Variants in SNTG1 observed in about 807,000 individuals in gnomAD.
SNTG1 encodes the protein syntrophin gamma 1.
Under a neutral mutation model 74.7 loss-of-function variants are expected in SNTG1, and 39 were observed. The ratio of observed to expected loss-of-function variants is 0.52; its 90% confidence interval spans 0.40 to 0.68. The LOEUF (loss-of-function observed/expected upper bound fraction) is 0.68, where lower values mean the gene tolerates loss of function less well. Among genes scored for constraint, SNTG1 ranks in the 30% least tolerant of loss-of-function variants. SNTG1 has a pLI of 0.00. For missense variants in SNTG1, 685 were observed against 609.5 expected (o/e 1.12, Z -1.30); for synonymous variants, 254 against 217.1 (o/e 1.17, Z -1.49).
At chr8:50,109,808 A>AGAGTG (rs1318496642) in intron 1 of SNTG1, among the ~76,000 whole-genome samples, 1 of 152,210 alleles carries the variant, frequency 6.6e-6, no homozygotes, top group East Asian at 1.9e-4. Flanking sequence ...AAGGTGAGGC[A>AGAGTG]GAGTGGGCTA....
At chr8:50,029,286 G>A (rs956701575) in intron 1 of SNTG1, among the ~76,000 whole-genome samples, 1 of 151,816 alleles carries the variant, frequency 6.6e-6, no homozygotes, top group Admixed American at 6.6e-5. Flanking sequence ...AATCTCAATG[G>A]GTAATAATCA....
intron 2 of SNTG1, among the ~76,000 whole-genome samples, chr8:50,305,903 T>A (rs370714068): frequency 5.4e-4 from 81 of 148,722 alleles, no homozygotes; most frequent in Non-Finnish European, 8.8e-4. Flanking sequence ...TATATTTATT[T>A]AAAAAAAAAA....
chr8:50,766,125 A>G (rs2095612941), intron 18 of SNTG1, among the ~76,000 whole-genome samples: 2 of 152,026 alleles, frequency 1.3e-5, no homozygotes, highest in South Asian at 4.1e-4. Flanking sequence ...CACTGTCTGC[A>G]TAACAAGAAG....
At chr8:50,588,119 C>CAA (rs201985462) in intron 12 of SNTG1, among the ~76,000 whole-genome samples, 3,309 of 117,122 alleles carry the variant, frequency 0.028, 56 homozygotes, top group Middle Eastern at 0.044. Context: ...GACTCCGACT[C>CAA]AAAAAAAAAA....
intron 2 of SNTG1, among the ~76,000 whole-genome samples, chr8:50,232,404 A>G (rs990396578): frequency 2.6e-5 from 4 of 151,546 alleles, no homozygotes; most frequent in African/African-American, 7.2e-5. Context: ...ATACTCTCAG[A>G]AAATTAATAG....
At chr8:50,699,206 A>G (rs2095415264) in intron 15 of SNTG1, among the ~76,000 whole-genome samples, 1 of 106,074 alleles carries the variant, frequency 9.4e-6, no homozygotes, top group South Asian at 2.7e-4. Context: ...GCAAGCAGGA[A>G]GAGGAAGAAA....
At chr8:50,789,601 C>CA (rs1315690500) in intron 18 of SNTG1, among the ~76,000 whole-genome samples, 1 of 151,946 alleles carries the variant, frequency 6.6e-6, no homozygotes, top group Non-Finnish European at 1.5e-5. Flanking sequence ...TCTTTACTTC[C>CA]AAACCTGCTT....
chr8:50,480,544 T>G (rs1027182970), intron 8 of SNTG1, among the ~76,000 whole-genome samples: 2 of 152,170 alleles, frequency 1.3e-5, no homozygotes, highest in African/African-American at 4.8e-5. Flanking sequence ...AGGAAGTAAA[T>G]GGAAACAAAT....
intron 1 of SNTG1, among the ~76,000 whole-genome samples, chr8:49,968,711 G>A (rs1338549441): frequency 6.6e-6 from 1 of 152,110 alleles, no homozygotes; most frequent in East Asian, 1.9e-4. Flanking sequence ...ATAGCTGGAA[G>A]AATAATGAAG....
At chr8:50,772,668 G>C (rs2095630063) in intron 18 of SNTG1, among the ~76,000 whole-genome samples, 1 of 152,026 alleles carries the variant, frequency 6.6e-6, no homozygotes, top group Non-Finnish European at 1.5e-5. Flanking sequence ...GCTTCACTTT[G>C]AATATGGTTT....
chr8:50,310,599 A>T (rs1001825787), intron 2 of SNTG1, among the ~76,000 whole-genome samples: 2 of 152,164 alleles, frequency 1.3e-5, no homozygotes, highest in African/African-American at 4.8e-5. Context: ...GAGGCAGGAG[A>T]ATCGCTTGAA....
At chr8:50,477,002 G>A (rs1422767793) in intron 8 of SNTG1, among the ~76,000 whole-genome samples, 2 of 152,046 alleles carry the variant, frequency 1.3e-5, no homozygotes, top group Non-Finnish European at 2.9e-5. Context: ...AATAAATCAG[G>A]TAATATTGGA....
intron 1 of SNTG1, among the ~76,000 whole-genome samples, chr8:50,144,892 C>CA (rs1315195084): frequency 1.1e-4 from 16 of 152,122 alleles, no homozygotes; most frequent in African/African-American, 3.9e-4. Context: ...CTTCTAGTAG[C>CA]ATTGTCAGGT....
At chr8:50,202,193 C>T (rs1473555132) in intron 2 of SNTG1, among the ~76,000 whole-genome samples, 1 of 152,118 alleles carries the variant, frequency 6.6e-6, no homozygotes, top group Non-Finnish European at 1.5e-5. Flanking sequence ...ACCCAATCCT[C>T]CTTTTTTTAA....
rs144283676 is a variant in SNTG1, at chr8:50,402,264, C to A, written c.82C>A (p.Arg28=). Residue 28 remains arginine, a synonymous_variant, in exon 4 of 19, where the codon CGG becomes AGG. Coordinates refer to ENST00000642720, the MANE Select transcript of SNTG1 (RefSeq NM_018967.5). ...TGGTAACCAGGAGCCTTTCAAAGTG[C>A]GGCTGCACCTAGCCAAAGACATTTT... The part of the protein sequence containing the change: ...QDGNQEPFKV[R]LHLAKDILMI... 27 of 1,613,084 alleles carry A rather than the reference C, an allele frequency of 1.7e-5. No individual in the cohort carries two copies. Among genetic ancestry groups the A allele is most frequent in the Non-Finnish European group, 2.2e-5 (26 of 1,179,734 alleles).
At chr8:50,504,294 T>C (rs1331402241) in intron 9 of SNTG1, among the ~76,000 whole-genome samples, 1 of 152,216 alleles carries the variant, frequency 6.6e-6, no homozygotes, top group Non-Finnish European at 1.5e-5. Flanking sequence ...TGAATAGTGC[T>C]GCAATGAACA....
At chr8:50,090,600 A>G (rs2079691115) in intron 1 of SNTG1, among the ~76,000 whole-genome samples, 1 of 152,138 alleles carries the variant, frequency 6.6e-6, no homozygotes, top group South Asian at 2.1e-4. Context: ...GGGTGAAGAC[A>G]ATGAGCTAAT....
intron 4 of SNTG1, among the ~76,000 whole-genome samples, chr8:50,402,967 A>T (rs1220378902): frequency 1.3e-5 from 2 of 152,202 alleles, no homozygotes; most frequent in African/African-American, 4.8e-5. Context: ...GTACCTACTC[A>T]TGTCGAGGCA....
intron 1 of SNTG1, among the ~76,000 whole-genome samples, chr8:50,144,482 G>A (rs533637331): frequency 4.4e-4 from 67 of 152,322 alleles, no homozygotes; most frequent in African/African-American, 1.6e-3. Flanking sequence ...AGATTTTCAG[G>A]AAGAATTTCC....
Sources: allele counts gnomAD v4.1 joint callset (sites outside exome capture counted in the v4.1 genomes callset), GRCh38; gene constraint gnomAD v4.1.1; transcripts MANE v1.5; gene names NCBI Gene and HGNC (gene_info 2026-07-23, HGNC 2026-07-21).